STARD13: variants seen among roughly 807,000 people sequenced by gnomAD.
STARD13 encodes the protein StAR related lipid transfer domain containing 13.
STARD13 carries 62 observed loss-of-function variants against 106.4 expected under a neutral mutation model. That is an observed-to-expected ratio of 0.58 (90% CI 0.48 to 0.72). The LOEUF (loss-of-function observed/expected upper bound fraction) is 0.72. Among genes scored for constraint, STARD13 ranks in the 30% least tolerant of loss-of-function variants. The pLI is 0.00. For missense variants in STARD13, 1,387 were observed against 1,424.0 expected, an observed-to-expected ratio of 0.97 and a Z score of 0.42; for synonymous variants, 565 against 553.0, an observed-to-expected ratio of 1.02 and a Z score of -0.31.
At chr13:33,308,520 C>CTTTTTTTTTTTTTTTTTTTTTTTTTTTTT (rs552526416) in intron 1 of STARD13, among the ~76,000 whole-genome samples, 21 of 88,584 alleles carry the variant, frequency 2.4e-4, no homozygotes, top group South Asian at 4.8e-4. Context: ...CTTTTTCTTT[C>CTTTTTTTTTTTTTTTTTTTTTTTTTTTTT]TTTTTTTTTT....
At chr13:33,168,507 T>C (rs1224537731) in intron 1 of STARD13, among the ~76,000 whole-genome samples, 3 of 152,150 alleles carry the variant, frequency 2.0e-5, no homozygotes, top group East Asian at 3.9e-4. Flanking sequence ...GTTAGACAAA[T>C]ATGAATCCAA....
chr13:33,576,542 C>G, the STARD13 span, among the ~76,000 whole-genome samples: 1 of 152,184 alleles, frequency 6.6e-6, no homozygotes, highest in East Asian at 1.9e-4. Context: ...CTTAACGCTT[C>G]TCTCTTGAAG....
the STARD13 span, among the ~76,000 whole-genome samples, chr13:33,486,287 GA>G: frequency 6.6e-6 from 1 of 152,040 alleles, no homozygotes; most frequent in Non-Finnish European, 1.5e-5. Flanking sequence ...TGCAGAGTTG[GA>G]AGCTTCAAAT....
rs75815834 is a variant in STARD13, at chr13:33,219,382, C to T, written c.170-51760G>A. Among the ~76,000 whole-genome samples, 29 of 151,954 alleles carry T rather than the reference C, an allele frequency of 1.9e-4. No individual in the cohort carries two copies. In the East Asian group the frequency reaches 5.6e-3, roughly 29 times the overall value. ...TCTCATCCTGCTCCCCCATGCAGGGCTGGTTACATGATTTGTGGATCCCAG... is the reference window on the plus strand; with the variant it reads ...TCTCATCCTGCTCCCCCATGCAGGGTTGGTTACATGATTTGTGGATCCCAG... On this transcript the variant is annotated intron_variant, in intron 1 of 13. Transcript: ENST00000336934.
At chr13:33,110,987 C>T (rs1387911882) in intron 10 of STARD13, 80 bp from the exon 11 acceptor site, 138 of 1,318,490 alleles carry the variant, frequency 1.0e-4, no homozygotes, top group Admixed American at 1.8e-5. Flanking sequence ...GCCATTTCAC[C>T]CACAACCCGG....
the STARD13 span, among the ~76,000 whole-genome samples, chr13:33,377,520 A>AC: frequency 6.6e-6 from 1 of 152,226 alleles, no homozygotes; most frequent in Admixed American, 6.5e-5. Flanking sequence ...GCATGATGAC[A>AC]GAAAAATGTT....
At position 33,130,051 on chromosome 13, in the gene STARD13, C is replaced by T. The variant is rs559158567; in HGVS notation, c.626G>A (p.Arg209His). Residue 209 changes from arginine (R) to histidine (H), a missense_variant, in exon 5 of 14, where the codon CGC (arginine) becomes CAC (histidine). Coordinates refer to ENST00000336934, the MANE Select transcript of STARD13 (RefSeq NM_178006.4). This position sits in a 1 kb window ranked among gnomAD's most constrained non-coding sequence, Gnocchi z 4.1. ...TGTACAGCACTGGCCCGGCTGGCTG[C>T]GACTGTCGCTGCCTCCACTGCTTTC... ...HSESSGGSDS[R>H]SQPGQCCTDN... The T allele has an allele frequency of 8.7e-6, 14 of 1,613,590 alleles. No individual in the cohort carries two copies. Among genetic ancestry groups the T allele is most frequent in the East Asian group, 2.2e-5 (1 of 44,880 alleles).
rs142904235 is a variant in STARD13 at position 33,171,223 on chromosome 13, C to T, written c.170-3601G>A. Among the ~76,000 whole-genome samples, 693 of 152,264 alleles carry T rather than the reference C, an allele frequency of 4.6e-3. 6 individuals are homozygous for T. The highest frequency in any genetic ancestry group is 0.016 in the African/African-American group (662 of 41,552). ...TTCTCCATTTGCTACCCTTACCCAC[C>T]CCTGTAGCAGCTCCAGGGCTGCAAG... On this transcript the variant is annotated intron_variant, in intron 1 of 13. Coordinates refer to ENST00000336934, the MANE Select transcript of STARD13 (RefSeq NM_178006.4).
chr13:33,224,532 G>A (rs1888522779), intron 1 of STARD13, among the ~76,000 whole-genome samples: 1 of 152,196 alleles, frequency 6.6e-6, no homozygotes, highest in Non-Finnish European at 1.5e-5. Flanking sequence ...TCTCACCACA[G>A]TTACAGGAAG....
chr13:33,437,193 T>C, the STARD13 span, among the ~76,000 whole-genome samples: 1 of 152,162 alleles, frequency 6.6e-6, no homozygotes, highest in Non-Finnish European at 1.5e-5. Context: ...TTACAGACAT[T>C]GTATAGAAAA....
chr13:33,666,128 C>T, the STARD13 span, among the ~76,000 whole-genome samples: 2 of 152,178 alleles, frequency 1.3e-5, no homozygotes, highest in Admixed American at 1.3e-4. Context: ...GGCATGCTTC[C>T]TAATCTCTAA....
At chr13:33,128,240 G>A (rs914132447) in intron 5 of STARD13, among the ~76,000 whole-genome samples, 6 of 152,252 alleles carry the variant, frequency 3.9e-5, no homozygotes, top group Middle Eastern at 3.4e-3. Flanking sequence ...GCTGTCGAAT[G>A]TCTAGGGCTG....
the STARD13 span, among the ~76,000 whole-genome samples, chr13:33,622,053 C>T: frequency 2.0e-5 from 3 of 151,882 alleles, no homozygotes; most frequent in Non-Finnish European, 4.4e-5. Context: ...GATCCACCCG[C>T]CTTAGCCTCC....
At chr13:33,330,195 GTT>G (rs1379838179) in intron 1 of STARD13, among the ~76,000 whole-genome samples, 1 of 152,144 alleles carries the variant, frequency 6.6e-6, no homozygotes, top group Non-Finnish European at 1.5e-5. Flanking sequence ...GTTGTATAAA[GTT>G]ATATTCCTAA....
the STARD13 span, among the ~76,000 whole-genome samples, chr13:33,397,100 T>C: frequency 1.3e-4 from 20 of 152,260 alleles, no homozygotes; most frequent in African/African-American, 4.6e-4. Context: ...TTGGGATTCA[T>C]AGAAAGAAAC....
Position 33,142,385 on chromosome 13 carries a change from GAA to G in STARD13, c.324-14_324-13del. ...ACGTATTTAGTCGTCTAAAAGGAAA[GAA>G]AAATGTGATGATTACTTTCACTAAT... On this transcript the variant is annotated splice_polypyrimidine_tract_variant and intron_variant, in intron 3 of 13. Coordinates refer to ENST00000336934, the MANE Select transcript of STARD13 (RefSeq NM_178006.4). 6.2e-7 allele frequency: 1 copy of G among 1,608,000 alleles called. No individual in the cohort carries two copies. Among genetic ancestry groups the G allele is most frequent in the Non-Finnish European group, 8.5e-7 (1 of 1,174,860 alleles).
chr13:33,603,767 T>G, the STARD13 span, among the ~76,000 whole-genome samples: 1 of 152,142 alleles, frequency 6.6e-6, no homozygotes, highest in Middle Eastern at 3.2e-3. Context: ...ATTCCCATAG[T>G]TAAAATCTCA....
At chr13:33,117,341 C>A (rs1396487502) in intron 8 of STARD13, among the ~76,000 whole-genome samples, 1 of 152,146 alleles carries the variant, frequency 6.6e-6, no homozygotes, top group Non-Finnish European at 1.5e-5. Flanking sequence ...GAACTCCTGA[C>A]CTCAGACAAT....
chr13:33,537,348 C>T, the STARD13 span, among the ~76,000 whole-genome samples: 1 of 152,192 alleles, frequency 6.6e-6, no homozygotes, highest in Admixed American at 6.5e-5. Flanking sequence ...ACTAACATTC[C>T]CCCTTGAAGT....
Sources: gnomAD v4.1 joint callset for allele counts (sites outside exome capture counted in the v4.1 genomes callset) on GRCh38, gnomAD v4.1.1 for gene constraint, Gnocchi (gnomAD v3.1) non-coding constraint, MANE v1.5 for transcripts, NCBI Gene and HGNC (gene_info 2026-07-23, HGNC 2026-07-21) for gene names.